Variants in PPP1R16B observed in about 807,000 individuals in gnomAD.
The protein encoded by PPP1R16B is protein phosphatase 1 regulatory inhibitor subunit 16B.
Under a neutral mutation model 61.7 loss-of-function variants are expected in PPP1R16B, and 14 were observed. The observed-to-expected ratio is 0.23, with a 90% confidence interval of 0.15 to 0.35. The LOEUF (loss-of-function observed/expected upper bound fraction) is 0.35, where lower values mean the gene tolerates loss of function less well. Ranked by LOEUF, PPP1R16B falls within the 10% of genes least tolerant of loss-of-function variation. The pLI, the probability that PPP1R16B is intolerant of heterozygous loss-of-function variation, is 1.00. For missense variants in PPP1R16B, 547 were observed against 752.5 expected (o/e 0.73, Z 3.19); for synonymous variants, 266 against 305.3 (o/e 0.87, Z 1.34).
At chr20:38,809,164 T>A (rs1002996222) in intron 1 of PPP1R16B, among the ~76,000 whole-genome samples, 3 of 151,212 alleles carry the variant, frequency 2.0e-5, no homozygotes, top group African/African-American at 7.3e-5. Flanking sequence ...CCTCCTCCAG[T>A]GCTAGGGTGG....
chr20:38,889,751 C>A, intron 3 of PPP1R16B, 86 bp downstream of exon 3: 1 of 1,358,962 alleles, frequency 7.4e-7, no homozygotes, highest in Non-Finnish European at 1.1e-6. Flanking sequence ...CTGCTCAGAA[C>A]CCTCAGGGAG....
At chr20:38,836,875 T>C (rs1403654429) in intron 2 of PPP1R16B, among the ~76,000 whole-genome samples, 3 of 152,158 alleles carry the variant, frequency 2.0e-5, no homozygotes, top group Admixed American at 1.3e-4. Context: ...AGGAATACCA[T>C]AATAACTTTC....
rs111239807 is a variant in PPP1R16B at position 38,813,865 on chromosome 20, C to T, written c.-102+8073C>T. 1.1e-3 allele frequency among the ~76,000 whole-genome samples: 164 copies of T among 151,602 alleles called. 2 individuals carry two copies. Among genetic ancestry groups the T allele is most frequent in the African/African-American group, 3.7e-3 (154 of 41,296 alleles). On this transcript the variant is annotated intron_variant, in intron 1 of 10. Transcript: ENST00000299824. ...AGGCTGGAGGGCAGTGGTGCCATCTCGGCTCACGGCAACTTCTGCTTCCCG... is the reference window on the plus strand; with the variant it reads ...AGGCTGGAGGGCAGTGGTGCCATCTTGGCTCACGGCAACTTCTGCTTCCCG...
At chr20:38,870,699 G>GCTGAT (rs2085122885) in intron 2 of PPP1R16B, among the ~76,000 whole-genome samples, 2 of 152,118 alleles carry the variant, frequency 1.3e-5, no homozygotes, top group Non-Finnish European at 1.5e-5. Flanking sequence ...CATACTGTAG[G>GCTGAT]GGCCACAACT....
At chr20:38,840,134 G>A (rs1434703538) in intron 2 of PPP1R16B, among the ~76,000 whole-genome samples, 1 of 152,200 alleles carries the variant, frequency 6.6e-6, no homozygotes, top group Non-Finnish European at 1.5e-5. Flanking sequence ...ACCTCACTGG[G>A]CTATGCTCAG....
intron 1 of PPP1R16B, among the ~76,000 whole-genome samples, chr20:38,813,694 A>G (rs994645080): frequency 4.6e-5 from 7 of 151,976 alleles, no homozygotes; most frequent in African/African-American, 1.7e-4. Flanking sequence ...GGTACTTATT[A>G]TGAGCCAGGT....
chr20:38,817,647 C>T (rs1000383464), intron 1 of PPP1R16B, among the ~76,000 whole-genome samples: 1 of 151,920 alleles, frequency 6.6e-6, no homozygotes, highest in Non-Finnish European at 1.5e-5. Flanking sequence ...CCTGGAAAGC[C>T]CTTAAGAGAT....
intron 3 of PPP1R16B, among the ~76,000 whole-genome samples, chr20:38,893,518 C>T (rs974730070): frequency 6.6e-6 from 1 of 151,192 alleles, no homozygotes; most frequent in Non-Finnish European, 1.5e-5. Context: ...GTGGGGACAG[C>T]GATTTAGGAG....
chr20:38,823,609 C>G (rs138240109), intron 1 of PPP1R16B, among the ~76,000 whole-genome samples: 79 of 152,038 alleles, frequency 5.2e-4, no homozygotes, highest in African/African-American at 1.7e-3. Context: ...CCACTGCACT[C>G]CAGCCTGGGC....
chr20:38,865,959 A>C (rs944507423), intron 2 of PPP1R16B, among the ~76,000 whole-genome samples: 6 of 151,980 alleles, frequency 3.9e-5, no homozygotes, highest in East Asian at 3.9e-4. Flanking sequence ...CCCTGTCTCT[A>C]CTAAAAATAC....
chr20:38,903,986 A>G (rs942677999), intron 6 of PPP1R16B, among the ~76,000 whole-genome samples: 5 of 152,236 alleles, frequency 3.3e-5, no homozygotes, highest in South Asian at 2.1e-4. Flanking sequence ...TCTCGAGCTC[A>G]CTAGATAGGG....
At chr20:38,835,771 C>A in intron 1 of PPP1R16B, 54 bp from the exon 2 acceptor site, 1 of 921,534 alleles carries the variant, frequency 1.1e-6, no homozygotes, top group Non-Finnish European at 1.6e-6. Flanking sequence ...ACGATCAGAT[C>A]TGAGTTGTGG....
At chr20:38,885,965 A>G (rs1201289929) in intron 2 of PPP1R16B, among the ~76,000 whole-genome samples, 3 of 152,150 alleles carry the variant, frequency 2.0e-5, no homozygotes, top group Admixed American at 6.5e-5. Context: ...TAGTAGAGAC[A>G]GGGTTTCGCC....
At position 38,922,213 on chromosome 20, in the gene PPP1R16B, G is replaced by A. The variant is rs2085604872; in HGVS notation, c.*3547G>A. 1 of 152,562 alleles carries A rather than the reference G, an allele frequency of 6.6e-6. No homozygotes were observed. Among genetic ancestry groups the A allele is most frequent in the Non-Finnish European group, 1.5e-5 (1 of 68,068 alleles). 9.5% of individuals were successfully genotyped at this position (152,562 alleles called of 1,614,324 possible). On this transcript the variant is annotated 3_prime_UTR_variant, in exon 11 of 11. Transcript: ENST00000299824. The stretch of plus-strand genomic sequence containing the variant: ...GCACTGTTTAATCCATTTCCAAGGG[G>A]CTTAGAAAAGCTAACAAGGGTGTGT...
At chr20:38,896,701 T>C (rs1397249026) in intron 4 of PPP1R16B, among the ~76,000 whole-genome samples, 2 of 152,142 alleles carry the variant, frequency 1.3e-5, no homozygotes, top group African/African-American at 4.8e-5. Context: ...CCATTACCAC[T>C]CTCCATCTTC....
At chr20:38,850,344 C>T (rs903934051) in intron 2 of PPP1R16B, among the ~76,000 whole-genome samples, 4 of 152,120 alleles carry the variant, frequency 2.6e-5, no homozygotes, top group Admixed American at 6.5e-5. Flanking sequence ...TATGTTGTAC[C>T]TACCCACTCC....
At chr20:38,914,382 G>A (rs1466423757) in intron 10 of PPP1R16B, among the ~76,000 whole-genome samples, 1 of 152,158 alleles carries the variant, frequency 6.6e-6, no homozygotes, top group Non-Finnish European at 1.5e-5. Flanking sequence ...AACACAAAAT[G>A]TGGGGGTTTT....
At chr20:38,888,534 G>C (rs770446005) in intron 2 of PPP1R16B, among the ~76,000 whole-genome samples, 1 of 152,174 alleles carries the variant, frequency 6.6e-6, no homozygotes, top group Non-Finnish European at 1.5e-5. Flanking sequence ...GGTGTGGCCT[G>C]GAAGGGGAGC....
At chr20:38,825,379 G>C (rs1036169812) in intron 1 of PPP1R16B, among the ~76,000 whole-genome samples, 1 of 152,168 alleles carries the variant, frequency 6.6e-6, no homozygotes, top group Non-Finnish European at 1.5e-5. Flanking sequence ...AGATCTTCCT[G>C]GTAAAATGCA....
Sources: gnomAD v4.1 joint callset for allele counts (sites outside exome capture counted in the v4.1 genomes callset) on GRCh38, gnomAD v4.1.1 for gene constraint, MANE v1.5 for transcripts, NCBI Gene and HGNC (gene_info 2026-07-23, HGNC 2026-07-21) for gene names.